The following PPP3R1 variants were observed in gnomAD, a reference collection of about 807,000 sequenced individuals.
PPP3R1 encodes protein phosphatase 3 regulatory subunit B, alpha, also known as calcineurin subunit B type 1.
A neutral mutation model predicts 22.6 loss-of-function variants in PPP3R1; 5 were observed. That is an observed-to-expected ratio of 0.22 (90% CI 0.12 to 0.46). The LOEUF (loss-of-function observed/expected upper bound fraction) is 0.46, where lower values mean the gene tolerates loss of function less well. Among genes scored for constraint, PPP3R1 ranks in the 20% least tolerant of loss-of-function variants. The pLI is 0.99. For missense variants in PPP3R1, 61 were observed against 203.2 expected, an observed-to-expected ratio of 0.30 and a Z score of 4.25; for synonymous variants, 56 against 65.2, an observed-to-expected ratio of 0.86 and a Z score of 0.68.
At chr2:68,218,269 C>A (rs950134365) in intron 1 of PPP3R1, among the ~76,000 whole-genome samples, 5 of 152,010 alleles carry the variant, frequency 3.3e-5, no homozygotes, top group South Asian at 2.1e-4. Context: ...TTTAGTATGA[C>A]TGGCTGGCTT....
At chr2:68,194,491 T>C (rs1002435919) in intron 2 of PPP3R1, among the ~76,000 whole-genome samples, 3 of 152,076 alleles carry the variant, frequency 2.0e-5, no homozygotes, top group Admixed American at 2.0e-4. Context: ...TTAATAGAAA[T>C]AGAAGGTTAC....
At chr2:68,249,972 T>C (rs376195594) in intron 1 of PPP3R1, among the ~76,000 whole-genome samples, 45 of 152,306 alleles carry the variant, frequency 3.0e-4, no homozygotes, top group African/African-American at 1.0e-3. Flanking sequence ...ATTAACCAGA[T>C]CACTCCAAAG....
chr2:68,208,677 G>A (rs1436815468), intron 2 of PPP3R1, among the ~76,000 whole-genome samples: 5 of 152,186 alleles, frequency 3.3e-5, no homozygotes, highest in Non-Finnish European at 7.3e-5. Context: ...GCTCATGCCT[G>A]TAATCCCAGC....
At chr2:68,226,369 C>A (rs1462300867) in intron 1 of PPP3R1, among the ~76,000 whole-genome samples, 2 of 152,072 alleles carry the variant, frequency 1.3e-5, no homozygotes, top group Non-Finnish European at 2.9e-5. Context: ...ATATTAAGGA[C>A]CTTAGTCCCA....
At chr2:68,186,213 T>A (rs1371378172) in intron 5 of PPP3R1, among the ~76,000 whole-genome samples, 1 of 152,164 alleles carries the variant, frequency 6.6e-6, no homozygotes, top group Admixed American at 6.5e-5. Flanking sequence ...TCAGAAGCAA[T>A]GAGTGATTAA....
chr2:68,226,179 G>A (rs1403551630), intron 1 of PPP3R1, among the ~76,000 whole-genome samples: 3 of 152,090 alleles, frequency 2.0e-5, no homozygotes, highest in Non-Finnish European at 4.4e-5. Flanking sequence ...GGGAGAACAG[G>A]GAGTGAACAC....
At chr2:68,207,391 A>G (rs936432379) in intron 2 of PPP3R1, among the ~76,000 whole-genome samples, 6 of 152,168 alleles carry the variant, frequency 3.9e-5, no homozygotes, top group Admixed American at 1.3e-4. Context: ...AGTGATAAGA[A>G]AGAAGACTTA....
At chr2:68,237,434 C>G (rs1218256144) in intron 1 of PPP3R1, among the ~76,000 whole-genome samples, 1 of 152,020 alleles carries the variant, frequency 6.6e-6, no homozygotes, top group Non-Finnish European at 1.5e-5. Context: ...CCCAATCTTG[C>G]TCTACCATAT....
At chr2:68,190,310 A>T (rs1674636524) in intron 2 of PPP3R1, among the ~76,000 whole-genome samples, 1 of 150,162 alleles carries the variant, frequency 6.7e-6, no homozygotes, top group Non-Finnish European at 1.5e-5. Flanking sequence ...CACGCCTGTA[A>T]TCCTAGCACT....
intron 1 of PPP3R1, among the ~76,000 whole-genome samples, chr2:68,245,674 T>C (rs1055021560): frequency 6.6e-6 from 1 of 152,254 alleles, no homozygotes; most frequent in African/African-American, 2.4e-5. Context: ...AACTTCATAC[T>C]TGTAATACTA....
In PPP3R1 at chr2:68,180,069, CA is replaced by C. The variant is rs1363696120; in HGVS notation, c.*893del. The stretch of plus-strand genomic sequence containing the variant: ...GGTATTCTTCAGTAAGTGATACATA[CA>C]ATCAATCATGATTGCCTCAGACAGC... On this transcript the variant is annotated 3_prime_UTR_variant, in exon 6 of 6. Transcript: ENST00000234310. 1 of 152,192 alleles carries C rather than the reference CA, an allele frequency of 6.6e-6. No homozygotes were observed. The highest frequency in any genetic ancestry group is 1.5e-5 in the Non-Finnish European group (1 of 68,038). 9.4% of individuals were successfully genotyped at this position (152,192 alleles called of 1,614,324 possible).
chr2:68,188,563 T>G lies in PPP3R1; in HGVS notation c.171A>C (p.Arg57=), dbSNP rs1260798438. The change falls in exon 3 of 6, where the codon CGA becomes CGC. Residue 57 remains arginine, a synonymous_variant. Transcript: ENST00000234310. ...CATCTGTGTCGAATATATCTATTAC[T>G]CGCTGTACTAAAGGATTCTGTTGTA... is the stretch of plus-strand genomic sequence containing the variant. The part of the protein sequence containing the change: ...PELQQNPLVQ[R]VIDIFDTDGN... 1 of 1,613,060 alleles carries G rather than the reference T, an allele frequency of 6.2e-7. No homozygotes were observed. The highest frequency in any genetic ancestry group is 1.1e-5 in the South Asian group (1 of 90,962).
In PPP3R1 at chr2:68,209,316, G is replaced by A. The variant is rs547931885; in HGVS notation, c.43+7776C>T. Among the ~76,000 whole-genome samples, 30 of 110,406 alleles carry A rather than the reference G, an allele frequency of 2.7e-4. No homozygotes were observed. The East Asian group carries it at 7.3e-3, about 27-fold the overall frequency. 72.4% of individuals were successfully genotyped at this position (110,406 alleles called of 152,430 possible). A position where few individuals can be genotyped will look rare whatever the true frequency, so the allele number is the denominator to read the frequency against. ...GGAGCTTGCAGTGAGCCGAGATCCC[G>A]CCACTGCACTCCAGCCTGGGCGACA... On this transcript the variant is annotated intron_variant, in intron 2 of 5. Transcript: ENST00000234310.
chr2:68,229,965 T>TACACACAAACACACAC (rs1157191768), intron 1 of PPP3R1, among the ~76,000 whole-genome samples: 1 of 49,494 alleles, frequency 2.0e-5, no homozygotes, highest in Non-Finnish European at 3.5e-5. Context: ...TGTGTATATA[T>TACACACAAACACACAC]ACACACATAC....
intron 2 of PPP3R1, among the ~76,000 whole-genome samples, chr2:68,199,395 T>A (rs59883268): frequency 6.6e-6 from 1 of 151,984 alleles, no homozygotes; most frequent in Non-Finnish European, 1.5e-5. Context: ...TATAAAACCA[T>A]GTCATCTGGG....
At chr2:68,227,627 A>T (rs1369523600) in intron 1 of PPP3R1, among the ~76,000 whole-genome samples, 6 of 152,106 alleles carry the variant, frequency 3.9e-5, no homozygotes, top group African/African-American at 1.4e-4. Flanking sequence ...TGCTGCCATA[A>T]TTACAATCTA....
chr2:68,204,470 C>T lies in PPP3R1; in HGVS notation c.43+12622G>A, dbSNP rs940663471. ...TTTACTGAAGACAGACTATATAATA[C>T]TATGATTAAAAATATTGACTATGAA... On this transcript the variant is annotated intron_variant, in intron 2 of 5. Transcript: ENST00000234310. Among the ~76,000 whole-genome samples, 13 of 151,870 alleles carry T rather than the reference C, an allele frequency of 8.6e-5. 1 individual carries two copies. The South Asian group carries it at 2.7e-3, about 32-fold the overall frequency.
chr2:68,225,619 T>A lies in PPP3R1; in HGVS notation c.4-8488A>T, dbSNP rs1029202612. On this transcript the variant is annotated intron_variant, in intron 1 of 5. Coordinates refer to ENST00000234310, the MANE Select transcript of PPP3R1 (RefSeq NM_000945.4). ...TCTGATTTGCAGAACTATGAAATAA[T>A]AAATGAGTGCTGTTTTAGACTACTA... Among the ~76,000 whole-genome samples the A allele has an allele frequency of 5.3e-5, 8 of 152,326 alleles. No individual in the cohort carries two copies. The South Asian group carries it at 1.7e-3, about 32-fold the overall frequency.
At chr2:68,230,170 T>C (rs567775580) in intron 1 of PPP3R1, among the ~76,000 whole-genome samples, 1 of 152,196 alleles carries the variant, frequency 6.6e-6, no homozygotes, top group East Asian at 1.9e-4. Flanking sequence ...TTTTTTGTAT[T>C]TTTGGTTGAG....
Sources: gnomAD v4.1 joint callset for allele counts (sites outside exome capture counted in the v4.1 genomes callset) on GRCh38, gnomAD v4.1.1 for gene constraint, MANE v1.5 for transcripts, NCBI Gene and HGNC (gene_info 2026-07-23, HGNC 2026-07-21) for gene names.